ZBTB46: variants seen among roughly 807,000 people sequenced by gnomAD.
ZBTB46 encodes the protein zinc finger and BTB domain containing 46.
In ZBTB46, 8 loss-of-function variants were observed where a neutral mutation model predicts 44.1. The ratio of observed to expected loss-of-function variants is 0.18; its 90% confidence interval spans 0.11 to 0.33. The LOEUF is 0.33. Among genes scored for constraint, ZBTB46 ranks in the 10% least tolerant of loss-of-function variants. The probability of loss-of-function intolerance (pLI) is 1.00; values close to 1 mark genes in which losing one functional copy is unlikely to be tolerated. For missense variants in ZBTB46, 651 were observed against 847.7 expected (o/e 0.77, Z 2.88); for synonymous variants, 409 against 382.3 (o/e 1.07, Z -0.81).
rs749859657 is a variant in ZBTB46 at position 63,746,971 on chromosome 20, G to C, written c.1729C>G (p.Pro577Ala). 6.3e-7 allele frequency: 1 copy of C among 1,599,210 alleles called. No homozygotes were observed. Among genetic ancestry groups the C allele is most frequent in the Non-Finnish European group, 8.5e-7 (1 of 1,176,222 alleles). Residue 577 changes from proline (P) to alanine (A), a missense_variant, in exon 5 of 5, where the codon CCC becomes GCC. This residue lies in a region of ZBTB46 where 106 missense variants were observed against 81.0 expected (regional missense o/e 1.31). Transcript: ENST00000245663. ...AAGTCCTTGTCAGGGCCTCCTGGGG[G>C]GCTGCGCGGCCGCGGCGAGTCTTCC... is the stretch of plus-strand genomic sequence containing the variant. ...DEEDSPRPRS[P>A]PGGPDKDFAW...
intron 1 of ZBTB46, among the ~76,000 whole-genome samples, chr20:63,812,822 G>A (rs1230065369): frequency 4.0e-5 from 6 of 151,898 alleles, no homozygotes; most frequent in East Asian, 1.9e-4. Flanking sequence ...ACGGCTGGGC[G>A]TGGTGGCTAA....
At chr20:63,757,649 C>T (rs908137355) in intron 3 of ZBTB46, among the ~76,000 whole-genome samples, 1 of 152,176 alleles carries the variant, frequency 6.6e-6, no homozygotes, top group Non-Finnish European at 1.5e-5. Context: ...TCCAAGATCA[C>T]CTTAGCCATG....
Position 63,791,926 on chromosome 20 carries a change from G to C in ZBTB46, c.-33-1136C>G, listed in dbSNP as rs74707909. ...CCTGGGAGGCTCAAACAACAGAAAC[G>C]TATTCTCAAGTCCAGAATCAGGATG... On this transcript the variant is annotated intron_variant, in intron 1 of 4. Transcript: ENST00000245663. Among the ~76,000 whole-genome samples, 1,326 of 152,290 alleles carry C rather than the reference G, an allele frequency of 8.7e-3. 13 individuals carry two copies. Among genetic ancestry groups the C allele is most frequent in the Non-Finnish European group, 0.011 (729 of 68,018 alleles).
At chr20:63,786,222 A>T (rs1264055893) in intron 2 of ZBTB46, among the ~76,000 whole-genome samples, 1 of 152,206 alleles carries the variant, frequency 6.6e-6, no homozygotes, top group Non-Finnish European at 1.5e-5. Context: ...GGAAGATTAT[A>T]AACAGTTACA....
chr20:63,749,492 A>G (rs1212270432), intron 4 of ZBTB46, among the ~76,000 whole-genome samples: 1 of 151,920 alleles, frequency 6.6e-6, no homozygotes, highest in Non-Finnish European at 1.5e-5. Flanking sequence ...ACCCGCCACC[A>G]CGCCCAGCTA....
rs1053773997 is a variant in ZBTB46, at chr20:63,756,944, T to C, written c.1223-4083A>G. Among the ~76,000 whole-genome samples the C allele has an allele frequency of 2.6e-5, 4 of 152,356 alleles. No homozygotes were observed. In the East Asian group the frequency reaches 7.7e-4, roughly 29 times the overall value. Reference sequence around the variant, plus strand: ...CAATGGAGATCTGATGGCTCTTACATGTGTCTTTTGGTGACTTAAGTTCTC... The same window carrying C: ...CAATGGAGATCTGATGGCTCTTACACGTGTCTTTTGGTGACTTAAGTTCTC... On this transcript the variant is annotated intron_variant, in intron 3 of 4. Coordinates refer to ENST00000245663, the MANE Select transcript of ZBTB46 (RefSeq NM_001369741.1).
intron 3 of ZBTB46, among the ~76,000 whole-genome samples, chr20:63,764,942 G>A (rs578178186): frequency 8.6e-5 from 13 of 151,446 alleles, no homozygotes; most frequent in Middle Eastern, 6.8e-3. Flanking sequence ...CTTTTGAGAC[G>A]GAGTCTTGCT....
Position 63,773,819 on chromosome 20 carries a change from G to A in ZBTB46, c.1222+1859C>T, listed in dbSNP as rs957281674. ...AACGTGCCCAGCGCTCCATCTGACC[G>A]GCTGGCCGACTGCAGGATGCCCACA... On this transcript the variant is annotated intron_variant, in intron 3 of 4. Coordinates refer to ENST00000245663, the MANE Select transcript of ZBTB46 (RefSeq NM_001369741.1). 9.9e-5 allele frequency among the ~76,000 whole-genome samples: 15 copies of A among 152,160 alleles called. 1 individual carries two copies. The highest frequency in any genetic ancestry group is 4.1e-4 in the South Asian group (2 of 4,832).
chr20:63,771,995 C>A (rs913515956), intron 3 of ZBTB46, among the ~76,000 whole-genome samples: 2 of 136,284 alleles, frequency 1.5e-5, no homozygotes, highest in Non-Finnish European at 3.1e-5. Context: ...AACAAAAGGG[C>A]AAATTCTTTT....
chr20:63,775,509 G>T, intron 3 of ZBTB46, 169 bp downstream of exon 3: 1 of 849,564 alleles, frequency 1.2e-6, no homozygotes, highest in Non-Finnish European at 1.7e-6. Context: ...CACCTGAGAG[G>T]CCAGTCCAGG....
chr20:63,830,558 T>C (rs1368418050), intron 1 of ZBTB46, among the ~76,000 whole-genome samples: 1 of 149,232 alleles, frequency 6.7e-6, no homozygotes, highest in African/African-American at 2.4e-5. Flanking sequence ...CGCGCCCACC[T>C]CCCGCAGTTC....
chr20:63,774,336 C>G (rs1355304957), intron 3 of ZBTB46, among the ~76,000 whole-genome samples: 2 of 152,204 alleles, frequency 1.3e-5, no homozygotes, highest in Non-Finnish European at 2.9e-5. Context: ...CTTATGAAAA[C>G]AAAGTTGTAA....
chr20:63,800,987 C>T (rs1196141319), intron 1 of ZBTB46, among the ~76,000 whole-genome samples: 1 of 152,244 alleles, frequency 6.6e-6, no homozygotes, highest in African/African-American at 2.4e-5. Context: ...GTGAAGACAG[C>T]TGGGCTCCTG....
rs1179541323 is a variant in ZBTB46 at position 63,803,866 on chromosome 20, C to T, written c.-33-13076G>A. On this transcript the variant is annotated intron_variant, in intron 1 of 4. Coordinates refer to ENST00000245663, the MANE Select transcript of ZBTB46 (RefSeq NM_001369741.1). This position sits in a 1 kb window ranked among gnomAD's most constrained non-coding sequence, Gnocchi z 4.0. Reference sequence around the variant, plus strand: ...GGGACCACAGGGGCACGCCACCACACGGGCTAATTTTTTTGTTTTGTAGAG... The same window carrying T: ...GGGACCACAGGGGCACGCCACCACATGGGCTAATTTTTTTGTTTTGTAGAG... Among the ~76,000 whole-genome samples, 4 of 152,196 alleles carry T rather than the reference C, an allele frequency of 2.6e-5. No homozygotes were observed. The highest frequency in any genetic ancestry group is 2.1e-4 in the South Asian group (1 of 4,830).
At chr20:63,824,180 G>A (rs191351548) in intron 1 of ZBTB46, among the ~76,000 whole-genome samples, 251 of 152,176 alleles carry the variant, frequency 1.6e-3, no homozygotes, top group African/African-American at 5.9e-3. Context: ...GGGAAATTCC[G>A]AGTCTTGTGG....
At position 63,803,434 on chromosome 20, in the gene ZBTB46, G is replaced by C. The variant is rs1039863657; in HGVS notation, c.-33-12644C>G. The C allele has an allele frequency of 1.0e-6, 1 of 985,298 alleles. No individual in the cohort carries two copies. The highest frequency in any genetic ancestry group is 1.7e-5 in the African/African-American group (1 of 57,226). 61.0% of individuals were successfully genotyped at this position (985,298 alleles called of 1,614,324 possible). On this transcript the variant is annotated intron_variant, in intron 1 of 4. Transcript: ENST00000245663. This position sits in a 1 kb window ranked among gnomAD's most constrained non-coding sequence, Gnocchi z 4.0. ...GAGTCGTCTTTCGACAGCGAGACCG[G>C]TGGTACTATCCACATCATCTCCAGT... is the stretch of plus-strand genomic sequence containing the variant.
chr20:63,788,865 C>T (rs1011935474), intron 2 of ZBTB46, among the ~76,000 whole-genome samples: 2 of 140,036 alleles, frequency 1.4e-5, no homozygotes, highest in East Asian at 2.3e-4. Flanking sequence ...GATGGAGTTT[C>T]GCTCTTGTTG....
intron 1 of ZBTB46, among the ~76,000 whole-genome samples, chr20:63,815,906 AGTGGACACAG>A (rs1198525915): frequency 1.0e-4 from 14 of 140,502 alleles, no homozygotes; most frequent in Middle Eastern, 4.5e-3. Context: ...GCACAGGTAC[AGTGGACACAG>A]GTGGGCACAG....
chr20:63,810,861 G>A (rs1004005751), intron 1 of ZBTB46, among the ~76,000 whole-genome samples: 2 of 152,242 alleles, frequency 1.3e-5, no homozygotes, highest in Non-Finnish European at 2.9e-5. Context: ...AACAGAGCGC[G>A]AACATGAGAG....
Sources: gnomAD v4.1 joint callset for allele counts (sites outside exome capture counted in the v4.1 genomes callset) on GRCh38, gnomAD v4.1.1 for gene constraint, gnomAD v4.1.1 regional missense constraint, Gnocchi (gnomAD v3.1) non-coding constraint, MANE v1.5 for transcripts, NCBI Gene and HGNC (gene_info 2026-07-23, HGNC 2026-07-21) for gene names.